Variants in DDX60L observed in about 807,000 individuals in gnomAD.
DDX60L encodes probable ATP-dependent RNA helicase DDX60-like.
A neutral mutation model predicts 211.6 loss-of-function variants in DDX60L; 191 were observed. The observed-to-expected ratio is 0.90, with a 90% CI of 0.80 to 1.02. The LOEUF (loss-of-function observed/expected upper bound fraction) is 1.02, where lower values mean the gene tolerates loss of function less well. Ranked by LOEUF, DDX60L falls within the 50% of genes least tolerant of loss-of-function variation. DDX60L has a pLI of 0.00. For missense variants in DDX60L, 2,007 were observed against 1,984.1 expected, an observed-to-expected ratio of 1.01 and a Z score of -0.22; for synonymous variants, 706 against 694.1, an observed-to-expected ratio of 1.02 and a Z score of -0.27.
intron 1 of DDX60L, 96 bp from the exon 2 acceptor site, chr4:168,472,905 G>C (rs1758994487): frequency 1.7e-6 from 1 of 575,430 alleles, no homozygotes; most frequent in East Asian, 2.9e-5. Flanking sequence ...AAGCAGTCTA[G>C]TAAATAAGCA....
chr4:168,442,843 A>C (rs1478850840), intron 9 of DDX60L, among the ~76,000 whole-genome samples: 2 of 151,360 alleles, frequency 1.3e-5, no homozygotes, highest in African/African-American at 2.4e-5. Flanking sequence ...AAACTAACAA[A>C]CAGAAAGGAC....
At chr4:168,387,366 GA>G (rs1744085448) in intron 29 of DDX60L, among the ~76,000 whole-genome samples, 3 of 152,212 alleles carry the variant, frequency 2.0e-5, no homozygotes, top group Admixed American at 2.0e-4. Context: ...CACTCAGTCA[GA>G]GCTCAACTAT....
intron 9 of DDX60L, among the ~76,000 whole-genome samples, chr4:168,447,361 A>C (rs76315346): frequency 1.1e-4 from 14 of 130,592 alleles, no homozygotes; most frequent in East Asian, 2.6e-4. Flanking sequence ...AGAATGGCAA[A>C]CATTAAAAAG....
At chr4:168,477,300 G>C (rs58320088) in intron 1 of DDX60L, among the ~76,000 whole-genome samples, 1 of 151,658 alleles carries the variant, frequency 6.6e-6, no homozygotes, top group African/African-American at 2.4e-5. Context: ...CTGTAGTCCC[G>C]GCTACTCAGG....
chr4:168,395,919 C>T (rs1160780947), intron 27 of DDX60L, 40 bp downstream of exon 27: 5 of 1,352,038 alleles, frequency 3.7e-6, no homozygotes, highest in Middle Eastern at 2.2e-4. Flanking sequence ...GATAAAATGT[C>T]ACAACTGTAA....
At chr4:168,358,524 C>CTTTTTTTTTTTTTT (rs70961514) in intron 37 of DDX60L, among the ~76,000 whole-genome samples, 7 of 108,302 alleles carry the variant, frequency 6.5e-5, no homozygotes, top group African/African-American at 9.6e-5. Flanking sequence ...TTTTCTTTTT[C>CTTTTTTTTTTTTTT]TTTTTTTTTT....
chr4:168,473,156 G>A (rs1759032934), intron 1 of DDX60L, among the ~76,000 whole-genome samples: 1 of 152,198 alleles, frequency 6.6e-6, no homozygotes, highest in Non-Finnish European at 1.5e-5. Flanking sequence ...CAGAAAAGAA[G>A]TTAGTGCGGC....
At chr4:168,447,534 A>G (rs1357796920) in intron 9 of DDX60L, among the ~76,000 whole-genome samples, 9 of 152,122 alleles carry the variant, frequency 5.9e-5, no homozygotes, top group Non-Finnish European at 1.0e-4. Flanking sequence ...ATTACTGGGT[A>G]TATACCCAAA....
At position 168,416,756 on chromosome 4, in the gene DDX60L, C is replaced by T; in HGVS notation, c.2652G>A (p.Glu884=). 1 of 1,604,960 alleles carries T rather than the reference C, an allele frequency of 6.2e-7. No individual in the cohort carries two copies. The highest frequency in any genetic ancestry group is 8.5e-7 in the Non-Finnish European group (1 of 1,175,996). ...GACATCGAATAATGACAAGGAGGAG[C>T]TCCCAAAATTTTGCTCCAACTTCTC... The part of the protein sequence containing the change: ...LGREVGAKFW[E]LLLVIIRCPF... The change falls in exon 20 of 38, where the codon GAG becomes GAA. Residue 884 remains glutamate (E), a synonymous_variant. Transcript: ENST00000682922.
intron 22 of DDX60L, among the ~76,000 whole-genome samples, chr4:168,407,835 T>C (rs1252890823): frequency 1.3e-5 from 2 of 152,222 alleles, no homozygotes; most frequent in East Asian, 3.8e-4. Flanking sequence ...CTGTTTTTCT[T>C]GTCTATAATA....
chr4:168,453,526 G>T (rs1756098361), intron 7 of DDX60L, among the ~76,000 whole-genome samples: 1 of 152,184 alleles, frequency 6.6e-6, no homozygotes, highest in South Asian at 2.1e-4. Flanking sequence ...CTTTAAATGA[G>T]TTGGCAGCAA....
At chr4:168,370,239 A>G (rs1020309093) in intron 36 of DDX60L, among the ~76,000 whole-genome samples, 1 of 152,226 alleles carries the variant, frequency 6.6e-6, no homozygotes, top group Non-Finnish European at 1.5e-5. Context: ...CTATTCAGCC[A>G]TAAAAAGGAA....
intron 28 of DDX60L, among the ~76,000 whole-genome samples, chr4:168,392,135 A>G (rs1744945505): frequency 6.6e-6 from 1 of 152,210 alleles, no homozygotes; most frequent in Admixed American, 6.5e-5. Flanking sequence ...TCCTTAAGAT[A>G]GGGTAATAAT....
At chr4:168,378,646 T>G (rs1468882266) in intron 32 of DDX60L, among the ~76,000 whole-genome samples, 171 bp from the exon 33 acceptor site, 3 of 152,166 alleles carry the variant, frequency 2.0e-5, no homozygotes, top group Admixed American at 1.3e-4. Flanking sequence ...TTTATTTTTT[T>G]GGGTAAGACA....
intron 1 of DDX60L, among the ~76,000 whole-genome samples, chr4:168,479,214 G>C (rs1282198971): frequency 6.6e-6 from 1 of 152,106 alleles, no homozygotes; most frequent in African/African-American, 2.4e-5. Flanking sequence ...TAGAGTATCA[G>C]GAAGGATTCA....
At chr4:168,452,945 A>G (rs1407580932) in intron 8 of DDX60L, among the ~76,000 whole-genome samples, 179 bp downstream of exon 8, 2 of 152,190 alleles carry the variant, frequency 1.3e-5, no homozygotes, top group Non-Finnish European at 2.9e-5. Flanking sequence ...TCATGCTTCT[A>G]TAAAACAGAT....
intron 30 of DDX60L, among the ~76,000 whole-genome samples, chr4:168,383,683 C>T (rs888302064): frequency 6.6e-6 from 1 of 152,052 alleles, no homozygotes. Flanking sequence ...GCTGTCACAC[C>T]CTGTCACACT....
intron 10 of DDX60L, among the ~76,000 whole-genome samples, chr4:168,434,060 T>C (rs144087804): frequency 1.8e-4 from 27 of 152,220 alleles, no homozygotes; most frequent in African/African-American, 6.3e-4. Context: ...TTCTTATTCT[T>C]AAGAGAACTT....
At chr4:168,398,160 C>A (rs1210828566) in intron 26 of DDX60L, among the ~76,000 whole-genome samples, 1 of 152,214 alleles carries the variant, frequency 6.6e-6, no homozygotes, top group African/African-American at 2.4e-5. Flanking sequence ...GGTTTGGAAG[C>A]ACCTGCTCCC....
Sources: gnomAD v4.1 joint callset for allele counts (sites outside exome capture counted in the v4.1 genomes callset) on GRCh38, gnomAD v4.1.1 for gene constraint, MANE v1.5 for transcripts, NCBI Gene and HGNC (gene_info 2026-07-23, HGNC 2026-07-21) for gene names.